Variants in NFIA observed in about 807,000 individuals in gnomAD.
NFIA encodes nuclear factor 1 A-type.
In NFIA, 8 loss-of-function variants were observed where a neutral mutation model predicts 62.8. That is an observed-to-expected ratio of 0.13 (90% CI 0.07 to 0.23). NFIA has a LOEUF of 0.23. Among genes scored for constraint, NFIA ranks in the 10% least tolerant of loss-of-function variants. NFIA has a pLI of 1.00. For synonymous variants in NFIA, 235 were observed against 238.1 expected (o/e 0.99, Z 0.12); for missense variants, 410 against 642.1 (o/e 0.64, Z 3.91).
At chr1:61,310,450 G>A (rs1017729657) in intron 3 of NFIA, among the ~76,000 whole-genome samples, 16 of 152,138 alleles carry the variant, frequency 1.1e-4, no homozygotes, top group South Asian at 2.1e-4. Flanking sequence ...GCTCTCCCTC[G>A]CTTGTCAAAA....
At chr1:61,127,063 T>A (rs1345114158) in intron 2 of NFIA, among the ~76,000 whole-genome samples, 7 of 147,266 alleles carry the variant, frequency 4.8e-5, no homozygotes, top group Non-Finnish European at 1.0e-4. Context: ...GCGCTGAGAT[T>A]AAAATAGAAT....
At chr1:61,078,565 A>T (rs1248801100), upstream of NFIA, among the ~76,000 whole-genome samples, 1 of 152,224 alleles carries the variant, frequency 6.6e-6, no homozygotes, top group African/African-American at 2.4e-5. Context: ...TGGCATTTCA[A>T]GTACTTTGAA....
At chr1:61,317,155 C>T (rs182906456) in intron 3 of NFIA, among the ~76,000 whole-genome samples, 54 of 152,058 alleles carry the variant, frequency 3.6e-4, no homozygotes, top group African/African-American at 1.2e-3. Flanking sequence ...TTTCAGCAAA[C>T]GAAAGTCTTT....
intron 2 of NFIA, among the ~76,000 whole-genome samples, chr1:61,102,578 T>C (rs1163401688): frequency 6.6e-6 from 1 of 152,192 alleles, no homozygotes; most frequent in Non-Finnish European, 1.5e-5. Context: ...CCTTTAGTTT[T>C]CCCTTACTTC....
At chr1:61,251,214 T>C (rs939322860) in intron 2 of NFIA, 3 of 152,222 alleles carry the variant, frequency 2.0e-5, no homozygotes, top group African/African-American at 7.2e-5. Flanking sequence ...TACATACACA[T>C]GCATCCGTAC....
rs1243002915 is a variant in NFIA at position 61,203,960 on chromosome 1, AGGTGTG to A, written c.560-73559_560-73554del. Among the ~76,000 whole-genome samples, 659 of 152,288 alleles carry A rather than the reference AGGTGTG, an allele frequency of 4.3e-3. 5 individuals carry two copies. Among genetic ancestry groups the A allele is most frequent in the Admixed American group, 0.02 (305 of 15,286 alleles). ...ACCCCATATTTCAGGGCAGATATTT[AGGTGTG>A]TGTATGAGCTGTAGTTGGTGAATAC... is the stretch of plus-strand genomic sequence containing the variant. On this transcript the variant is annotated intron_variant, in intron 2 of 10. Coordinates refer to ENST00000403491, the MANE Select transcript of NFIA (RefSeq NM_001134673.4).
intron 2 of NFIA, among the ~76,000 whole-genome samples, chr1:61,094,016 C>G (rs1044878316): frequency 2.0e-5 from 3 of 152,162 alleles, no homozygotes; most frequent in Non-Finnish European, 4.4e-5. Flanking sequence ...TGCACAGAAG[C>G]AGCAACAATT....
chr1:61,397,759 A>G (rs554353741), intron 7 of NFIA, among the ~76,000 whole-genome samples: 1 of 152,346 alleles, frequency 6.6e-6, no homozygotes, highest in African/African-American at 2.4e-5. Context: ...ACTCATGTCT[A>G]TCTGACTCCA....
intron 2 of NFIA, among the ~76,000 whole-genome samples, chr1:61,218,180 A>G (rs1653765561): frequency 6.6e-6 from 1 of 150,948 alleles, no homozygotes; most frequent in African/African-American, 2.4e-5. Context: ...TAATGGAGGT[A>G]CCACTCTGTT....
intron 2 of NFIA, among the ~76,000 whole-genome samples, chr1:61,113,855 A>G (rs891720010): frequency 1.3e-5 from 2 of 152,114 alleles, no homozygotes; most frequent in African/African-American, 4.8e-5. Context: ...TTTGGTTAGA[A>G]TGGGGGGTTT....
At chr1:61,263,147 A>C (rs1656875211) in intron 2 of NFIA, among the ~76,000 whole-genome samples, 1 of 152,082 alleles carries the variant, frequency 6.6e-6, no homozygotes, top group Non-Finnish European at 1.5e-5. Flanking sequence ...TTTTCCCAAT[A>C]ATGATTTGTT....
At chr1:61,267,290 C>T (rs887822189) in intron 2 of NFIA, among the ~76,000 whole-genome samples, 1 of 152,190 alleles carries the variant, frequency 6.6e-6, no homozygotes, top group Non-Finnish European at 1.5e-5. Context: ...GGGTGGATCA[C>T]CTGAGGTCAG....
chr1:61,227,072 G>T (rs1377243897), intron 2 of NFIA, among the ~76,000 whole-genome samples: 1 of 152,214 alleles, frequency 6.6e-6, no homozygotes, highest in Admixed American at 6.5e-5. Flanking sequence ...ATTCACTGGT[G>T]TTGAACCAGT....
intron 2 of NFIA, among the ~76,000 whole-genome samples, chr1:61,237,001 T>C (rs17377232): frequency 0.041 from 6,230 of 152,272 alleles, 179 homozygotes; most frequent in Non-Finnish European, 0.061. Flanking sequence ...ACCCTTCTTC[T>C]CAAGTCCAGT....
At chr1:61,271,630 C>T (rs1217966663) in intron 2 of NFIA, among the ~76,000 whole-genome samples, 1 of 152,298 alleles carries the variant, frequency 6.6e-6, no homozygotes, top group East Asian at 1.9e-4. Flanking sequence ...ACAGACCTTG[C>T]TCCCTGTCTG....
chr1:61,327,625 G>GTA (rs546211839), intron 3 of NFIA, among the ~76,000 whole-genome samples: 61 of 151,724 alleles, frequency 4.0e-4, no homozygotes, highest in South Asian at 2.3e-3. Flanking sequence ...GTATTCCATG[G>GTA]TATATATATA....
intron 3 of NFIA, among the ~76,000 whole-genome samples, chr1:61,330,325 A>AT (rs1224423860): frequency 6.6e-6 from 1 of 152,194 alleles, no homozygotes; most frequent in African/African-American, 2.4e-5. Flanking sequence ...TGTCTCAGGC[A>AT]TTAAGTATAC....
chr1:61,400,537 C>G (rs2100515213), intron 7 of NFIA, among the ~76,000 whole-genome samples: 1 of 152,254 alleles, frequency 6.6e-6, no homozygotes, highest in South Asian at 2.1e-4. Flanking sequence ...TAAACTGTAA[C>G]CACTTGAGAA....
At chr1:61,330,874 A>G (rs972374523) in intron 3 of NFIA, among the ~76,000 whole-genome samples, 1 of 152,150 alleles carries the variant, frequency 6.6e-6, no homozygotes, top group Non-Finnish European at 1.5e-5. Flanking sequence ...TTTTAAGTCA[A>G]CCTTAATGTA....
Sources: allele counts gnomAD v4.1 joint callset (sites outside exome capture counted in the v4.1 genomes callset), GRCh38; gene constraint gnomAD v4.1.1; transcripts MANE v1.5; gene names NCBI Gene and HGNC (gene_info 2026-07-23, HGNC 2026-07-21).